MYRIP: variants seen among roughly 807,000 people sequenced by gnomAD.
The protein encoded by MYRIP is myosin VIIA and Rab interacting protein.
A neutral mutation model predicts 98.0 loss-of-function variants in MYRIP; 49 were observed. That is an observed-to-expected ratio of 0.50 (90% CI 0.40 to 0.63). The LOEUF (loss-of-function observed/expected upper bound fraction) is 0.63. MYRIP is among the 30% of genes least tolerant of loss of function. The probability of loss-of-function intolerance (pLI) is 0.00; values close to 1 mark genes in which losing one functional copy is unlikely to be tolerated. For synonymous variants in MYRIP, 404 were observed against 409.5 expected (o/e 0.99, Z 0.16); for missense variants, 1,004 against 1,058.2 (o/e 0.95, Z 0.71).
At chr3:40,131,830 C>T (rs1949649508) in intron 3 of MYRIP, among the ~76,000 whole-genome samples, 1 of 151,830 alleles carries the variant, frequency 6.6e-6, no homozygotes. Flanking sequence ...ATTTCCCCCT[C>T]CCTCATATCT....
At chr3:40,023,657 T>G (rs1947055089) in intron 2 of MYRIP, among the ~76,000 whole-genome samples, 2 of 152,070 alleles carry the variant, frequency 1.3e-5, no homozygotes, top group African/African-American at 4.8e-5. Flanking sequence ...ACAAATGCCT[T>G]CCATTGGCAG....
chr3:40,190,435 C>T lies in MYRIP; in HGVS notation c.1637C>T (p.Ala546Val). The T allele has an allele frequency of 1.9e-6, 3 of 1,603,044 alleles. No homozygotes were observed. The highest frequency in any genetic ancestry group is 2.6e-6 in the Non-Finnish European group (3 of 1,174,504). Residue 546 changes from alanine (A) to valine (V), a missense_variant, in exon 10 of 17, where the codon GCC (alanine) becomes GTC (valine). Ala to Val is a moderately conservative substitution (Grantham distance 64). Coordinates refer to ENST00000302541, the MANE Select transcript of MYRIP (RefSeq NM_015460.4). The stretch of plus-strand genomic sequence containing the variant: ...AGCAAAGAACCATCTTCCCCCAGCG[C>T]CCAGCTCCGGGATCTAGACACACAT... ...EPSKEPSSPS[A>V]QLRDLDTHQV... is the part of the protein sequence containing the mutation.
intron 2 of MYRIP, among the ~76,000 whole-genome samples, chr3:39,931,682 T>G (rs35536158): frequency 0.09 from 13,727 of 152,162 alleles, 729 homozygotes; most frequent in African/African-American, 0.15. Flanking sequence ...TTGAGAAAGT[T>G]CCTTTGTGGT....
chr3:40,222,339 C>T (rs1019018058), intron 11 of MYRIP, among the ~76,000 whole-genome samples: 1 of 152,090 alleles, frequency 6.6e-6, no homozygotes, highest in Non-Finnish European at 1.5e-5. Flanking sequence ...CGGGTGTTGC[C>T]GTGGCAGTGG....
chr3:40,181,144 G>T (rs1950874492), intron 8 of MYRIP, among the ~76,000 whole-genome samples: 1 of 151,332 alleles, frequency 6.6e-6, no homozygotes. Context: ...ACAGTTTACT[G>T]TGAGTGCAGG....
chr3:40,023,222 A>C (rs769770154), intron 2 of MYRIP, among the ~76,000 whole-genome samples: 10 of 152,190 alleles, frequency 6.6e-5, no homozygotes, highest in Non-Finnish European at 1.0e-4. Flanking sequence ...GGCCATGTGG[A>C]ATGTGGACTT....
At chr3:39,838,650 G>A (rs1575290847) in intron 1 of MYRIP, among the ~76,000 whole-genome samples, 1 of 151,898 alleles carries the variant, frequency 6.6e-6, no homozygotes, top group Non-Finnish European at 1.5e-5. Flanking sequence ...TGTTCTTCAG[G>A]GTTATTGGCC....
chr3:40,106,989 T>G (rs1949061299), intron 3 of MYRIP, among the ~76,000 whole-genome samples: 1 of 152,220 alleles, frequency 6.6e-6, no homozygotes, highest in African/African-American at 2.4e-5. Context: ...ATCTGTCTAT[T>G]AAATAGAAGC....
At chr3:40,001,183 T>C (rs567264424) in intron 2 of MYRIP, among the ~76,000 whole-genome samples, 5 of 152,334 alleles carry the variant, frequency 3.3e-5, no homozygotes, top group African/African-American at 1.2e-4. Context: ...ATTCAAGATA[T>C]TTAGGTGAAA....
chr3:39,984,092 C>G (rs1344701307), intron 2 of MYRIP, among the ~76,000 whole-genome samples: 2 of 152,036 alleles, frequency 1.3e-5, no homozygotes, highest in Non-Finnish European at 2.9e-5. Context: ...AATCTGGGGA[C>G]TGGGTTTATA....
intron 2 of MYRIP, among the ~76,000 whole-genome samples, chr3:40,009,827 C>T (rs1286370836): frequency 2.0e-5 from 3 of 152,218 alleles, no homozygotes; most frequent in Non-Finnish European, 4.4e-5. Flanking sequence ...TACTTTATTT[C>T]CACTGCCTCC....
chr3:39,978,326 A>G (rs1452602441), intron 2 of MYRIP, among the ~76,000 whole-genome samples: 1 of 152,188 alleles, frequency 6.6e-6, no homozygotes, highest in Non-Finnish European at 1.5e-5. Context: ...AGGTTACTGA[A>G]CAAGTAGCAT....
At chr3:39,967,004 A>G (rs187430355) in intron 2 of MYRIP, among the ~76,000 whole-genome samples, 1 of 152,224 alleles carries the variant, frequency 6.6e-6, no homozygotes, top group African/African-American at 2.4e-5. Context: ...TGAACAAGCT[A>G]TGTCATTTCT....
At chr3:39,943,134 T>A (rs1036910789) in intron 2 of MYRIP, among the ~76,000 whole-genome samples, 1 of 152,160 alleles carries the variant, frequency 6.6e-6, no homozygotes, top group Non-Finnish European at 1.5e-5. Context: ...GAATGTGAAG[T>A]GATCTTAATG....
At chr3:40,034,221 T>C (rs929697518) in intron 2 of MYRIP, among the ~76,000 whole-genome samples, 1 of 151,746 alleles carries the variant, frequency 6.6e-6, no homozygotes, top group Non-Finnish European at 1.5e-5. Context: ...AATTGACAAA[T>C]GGGATCTAAT....
intron 2 of MYRIP, among the ~76,000 whole-genome samples, chr3:39,971,971 A>G (rs184491665): frequency 3.2e-4 from 49 of 152,186 alleles, no homozygotes; most frequent in Non-Finnish European, 1.9e-4. Flanking sequence ...ATTGGCATTT[A>G]CAACATTCCT....
At chr3:39,875,956 T>A (rs921155900) in intron 1 of MYRIP, among the ~76,000 whole-genome samples, 4 of 152,022 alleles carry the variant, frequency 2.6e-5, no homozygotes, top group Non-Finnish European at 5.9e-5. Flanking sequence ...ATGTCTCCCA[T>A]TATTATTGTG....
chr3:40,218,191 C>A (rs375233556), intron 11 of MYRIP, among the ~76,000 whole-genome samples: 2 of 151,776 alleles, frequency 1.3e-5, no homozygotes, highest in South Asian at 2.1e-4. Flanking sequence ...ACACAAAAAA[C>A]ATTCATGATC....
At chr3:39,841,064 C>T (rs887435521) in intron 1 of MYRIP, among the ~76,000 whole-genome samples, 4 of 152,058 alleles carry the variant, frequency 2.6e-5, no homozygotes, top group Admixed American at 2.6e-4. Flanking sequence ...TTTTCCAACT[C>T]GGTTCCATTT....
Sources: gnomAD v4.1 joint callset for allele counts (sites outside exome capture counted in the v4.1 genomes callset) on GRCh38, gnomAD v4.1.1 for gene constraint, MANE v1.5 for transcripts, NCBI Gene and HGNC (gene_info 2026-07-23, HGNC 2026-07-21) for gene names.